Variants in PKD1 observed in about 807,000 individuals in gnomAD.
The protein encoded by PKD1 is polycystin-1.
Under a neutral mutation model 361.7 loss-of-function variants are expected in PKD1, and 81 were observed. The ratio of observed to expected loss-of-function variants is 0.22; its 90% CI spans 0.19 to 0.27. The LOEUF is 0.27. PKD1 is among the 10% of genes least tolerant of loss of function. PKD1 has a pLI of 1.00. For missense variants in PKD1, 6,399 were observed against 6,118.3 expected, an observed-to-expected ratio of 1.05 and a Z score of -1.53; for synonymous variants, 3,615 against 2,818.3, an observed-to-expected ratio of 1.28 and a Z score of -8.95.
Position 2,108,508 on chromosome 16 carries a change from C to T in PKD1, c.6659G>A (p.Arg2220Gln), listed in dbSNP as rs745626129. Residue 2220 changes from arginine (R) to glutamine (Q), a missense_variant, in exon 15 of 46, where the codon CGG becomes CAG. Transcript: ENST00000262304. ...DVSRPRLVLP[R>Q]LALPVGHYCF... is the part of the protein sequence containing the mutation. ...GTAGTGCCCCACAGGCAGCGCCAGC[C>T]GCGGCAGCACCAGCCGAGGCCGGCT... 6.2e-6 allele frequency: 10 copies of T among 1,608,674 alleles called. No individual in the cohort carries two copies. Among genetic ancestry groups the T allele is most frequent in the East Asian group, 4.5e-5 (2 of 44,876 alleles).
rs3087632 is a variant in PKD1, at chr16:2,090,453, T to G, written c.12276A>C (p.Ala4092=). ...LSPLLCVGLW[A]LRLWGALRLG... ...GCCGTAGGGCGCCCCACAGCCGCAG[T>G]GCCCAGAGCCCCACACACAGCAGGG... The change falls in exon 45 of 46, where the codon GCA becomes GCC. Residue 4092 remains alanine (A), a synonymous_variant. Transcript: ENST00000262304. The G allele has an allele frequency of 5.6e-6, 9 of 1,612,030 alleles. No homozygotes were observed. In the Admixed American group the frequency reaches 1.5e-4, roughly 27 times the overall value.
rs1282623368 is a variant in PKD1 at position 2,100,876 on chromosome 16, T to C, written c.9398-310A>G. On this transcript the variant is annotated intron_variant, in intron 26 of 45. Coordinates refer to ENST00000262304, the MANE Select transcript of PKD1 (RefSeq NM_001009944.3). The surrounding 1 kb of genome is among the most constrained non-coding windows in gnomAD (Gnocchi z 4.4). Reference sequence around the variant, plus strand: ...TGCACACCTGTCCACGCCTCAGTCATGCCACAACCGGTGACCCGCACCACA... The same window carrying C: ...TGCACACCTGTCCACGCCTCAGTCACGCCACAACCGGTGACCCGCACCACA... 1.7e-5 allele frequency: 8 copies of C among 472,362 alleles called. No homozygotes were observed. The highest frequency in any genetic ancestry group is 4.2e-5 in the South Asian group (2 of 47,764). 29.3% of individuals were successfully genotyped at this position (472,362 alleles called of 1,614,324 possible).
chr16:2,112,148 G>A (rs1361950058), intron 14 of PKD1, among the ~76,000 whole-genome samples, 192 bp downstream of exon 14: 1 of 152,160 alleles, frequency 6.6e-6, no homozygotes, highest in Non-Finnish European at 1.5e-5. Context: ...GCAGTTCAGG[G>A]GCCCAGCTTC....
rs557066261 is a variant in PKD1, at chr16:2,110,342, T to C, written c.4825A>G (p.Ile1609Val). ...ACCTCGTTCTCAGCCGTGACGATGA[T>C]ATTGAAGGTGCCCACGGAGCGGAAG... ...YTFRSVGTFNIIVTAENEVGS... is the reference protein window; with the variant it reads ...YTFRSVGTFNVIVTAENEVGS... The change falls in exon 15 of 46, where the codon ATC (isoleucine) becomes GTC (valine). Residue 1609 changes from isoleucine (I) to valine (V), a missense_variant. Coordinates refer to ENST00000262304, the MANE Select transcript of PKD1 (RefSeq NM_001009944.3). The C allele has an allele frequency of 1.7e-5, 27 of 1,612,636 alleles. No individual in the cohort carries two copies. Among genetic ancestry groups the C allele is most frequent in the Non-Finnish European group, 2.2e-5 (26 of 1,179,856 alleles).
chr16:2,112,194 C>T (rs1451565795), intron 14 of PKD1, 146 bp downstream of exon 14: 4 of 776,860 alleles, frequency 5.1e-6, no homozygotes, highest in Admixed American at 4.0e-5. Flanking sequence ...CCCTCCCTCA[C>T]CCCAGTAGGG....
rs370861760 is a variant in PKD1, at chr16:2,110,146, G to C, written c.5021C>G (p.Pro1674Arg). Residue 1674 changes from proline to arginine, a missense_variant, in exon 15 of 46, where the codon CCG (proline) becomes CGG (arginine). Transcript: ENST00000262304. ...GCCTTTGCCGCTGCCGGCCAGGGCC[G>C]GGCCCCTGTCCCTCCAGGCAGTCCA... is the stretch of plus-strand genomic sequence containing the variant. ...YSWTAWRDRGPALAGSGKGFS... is the reference protein window; with the variant it reads ...YSWTAWRDRGRALAGSGKGFS... The C allele has an allele frequency of 6.2e-7, 1 of 1,609,852 alleles. No homozygotes were observed. The highest frequency in any genetic ancestry group is 1.3e-5 in the African/African-American group (1 of 74,986).
Position 2,088,853 on chromosome 16 carries a change from CATACAGCACACTCGCGCGT to C in PKD1, c.*855_*873del. The C allele has an allele frequency of 1.7e-6, 1 of 575,248 alleles. No individual in the cohort carries two copies. The highest frequency in any genetic ancestry group is 3.1e-6 in the Non-Finnish European group (1 of 323,924). The allele number at this position is 575,248 out of a possible 1,614,324, so 35.6% of individuals were successfully genotyped here. A position where few individuals can be genotyped will look rare whatever the true frequency, so the allele number is the denominator to read the frequency against. On this transcript the variant is annotated 3_prime_UTR_variant, in exon 46 of 46. Coordinates refer to ENST00000262304, the MANE Select transcript of PKD1 (RefSeq NM_001009944.3). ...CCGAGGGCCTTGAGGCTGCCTGGGC[CATACAGCACACTCGCGCGT>C]GCGCGCGCGCACACACACACACACA...
chr16:2,112,980 CAGTG>C lies in PKD1; in HGVS notation c.2986-21_2986-18del, dbSNP rs2092558273. On this transcript the variant is annotated intron_variant, in intron 12 of 45. Transcript: ENST00000262304. The stretch of plus-strand genomic sequence containing the variant: ...GGCCGTCAGCTGCAGGGACAGGCGT[CAGTG>C]AGCCCAGGTGGCAGGTGAGAGGCCT... 6.3e-7 allele frequency: 1 copy of C among 1,595,492 alleles called. No individual in the cohort carries two copies. The highest frequency in any genetic ancestry group is 2.2e-5 in the East Asian group (1 of 44,874).
rs757733462 is a variant in PKD1, at chr16:2,106,880, C to G, written c.7134G>C (p.Val2378=). ...LECVSCKAQA[V]YEVSRSSYVY... is the part of the protein sequence containing the mutation. ...CGTAGGAGCTGCGGCTCACTTCGTA[C>G]ACGGCCTGTGCCTTGCAGGACACAC... Residue 2378 remains valine (V), a synonymous_variant, in exon 17 of 46, where the codon GTG becomes GTC. Transcript: ENST00000262304. The surrounding 1 kb of genome is among the most constrained non-coding windows in gnomAD (Gnocchi z 6.5). 8 of 1,555,750 alleles carry G rather than the reference C, an allele frequency of 5.1e-6. No homozygotes were observed. Among genetic ancestry groups the G allele is most frequent in the Non-Finnish European group, 7.0e-6 (8 of 1,146,868 alleles).
intron 1 of PKD1, among the ~76,000 whole-genome samples, chr16:2,121,275 G>C (rs150997513): frequency 6.6e-6 from 1 of 151,852 alleles, no homozygotes; most frequent in Non-Finnish European, 1.5e-5. Flanking sequence ...TTAGGCAGGA[G>C]AATCACTTGA....
chr16:2,114,582 C>G lies in PKD1; in HGVS notation c.2441G>C (p.Ser814Thr), dbSNP rs527719482. Reference sequence around the variant, plus strand: ...AGCCACTGGGGAGACCACGTCAAAGCTGCAGGAGAGGTTGTGCCTGGACAC... The same window carrying G: ...AGCCACTGGGGAGACCACGTCAAAGGTGCAGGAGAGGTTGTGCCTGGACAC... ...NGVSRHNLSC[S>T]FDVVSPVAGL... The change falls in exon 11 of 46, where the codon AGC becomes ACC. Residue 814 changes from serine to threonine, a missense_variant. By Grantham distance (58) the Ser-to-Thr change is moderately conservative. Transcript: ENST00000262304. 5.0e-6 allele frequency: 8 copies of G among 1,593,974 alleles called. No individual in the cohort carries two copies. The African/African-American group carries it at 6.7e-5, about 13-fold the overall frequency.
chr16:2,092,935 G>A lies in PKD1; in HGVS notation c.11156+19C>T. On this transcript the variant is annotated intron_variant, in intron 38 of 45. Coordinates refer to ENST00000262304, the MANE Select transcript of PKD1 (RefSeq NM_001009944.3). ...AAACTAAAGCCCAGAAGACAGACCA[G>A]TGCACCGGATGCCCGTACCGCGTGA... The A allele has an allele frequency of 6.2e-7, 1 of 1,612,930 alleles. No homozygotes were observed. Among genetic ancestry groups the A allele is most frequent in the South Asian group, 1.1e-5 (1 of 91,090 alleles).
In PKD1 at chr16:2,093,689, G is replaced by A. The variant is rs764059379; in HGVS notation, c.10871C>T (p.Pro3624Leu). 8.7e-6 allele frequency: 14 copies of A among 1,602,454 alleles called. No individual in the cohort carries two copies. Among genetic ancestry groups the A allele is most frequent in the Middle Eastern group, 1.7e-4 (1 of 6,048 alleles). ...YFSLVAKRLH[P>L]DEDDTLVESP... ...CTCTACCAGGGTGTCATCTTCATCC[G>A]GGTGCAGCCGCTTGGCCACCAGTGA... Residue 3624 changes from proline to leucine, a missense_variant, in exon 37 of 46, where the codon CCG (proline) becomes CTG (leucine). Physicochemically the swap from Pro to Leu is moderately conservative, Grantham distance 98 (BLOSUM62 -3). Coordinates refer to ENST00000262304, the MANE Select transcript of PKD1 (RefSeq NM_001009944.3).
At chr16:2,095,500 C>G (rs2091809272) in intron 34 of PKD1, 1 of 152,278 alleles carries the variant, frequency 6.6e-6, no homozygotes, top group Non-Finnish European at 1.5e-5. Context: ...GGAGCAGGCT[C>G]TCGCTGGCAG....
At chr16:2,093,253 C>T in intron 37 of PKD1, 160 bp from the exon 38 acceptor site, 1 of 849,212 alleles carries the variant, frequency 1.2e-6, no homozygotes, top group South Asian at 1.5e-5. Flanking sequence ...AATGGCAGCA[C>T]ACACCCTGCC....
At position 2,109,367 on chromosome 16, in the gene PKD1, G is replaced by A. The variant is rs764648519; in HGVS notation, c.5800C>T (p.Pro1934Ser). The A allele has an allele frequency of 1.3e-6, 2 of 1,593,362 alleles. No individual in the cohort carries two copies. The highest frequency in any genetic ancestry group is 1.3e-5 in the African/African-American group (1 of 74,760). ...GGANPEVLPG[P>S]RFSHSFPRVG... is the part of the protein sequence containing the mutation. The stretch of plus-strand genomic sequence containing the variant: ...CGGGGGAAGCTGTGGGAGAAACGGG[G>A]CCCGGGGAGCACCTCGGGGTTGGCC... Residue 1934 changes from proline (P) to serine (S), a missense_variant, in exon 15 of 46, where the codon CCC (proline) becomes TCC (serine). Physicochemically the swap from Pro to Ser is moderately conservative, Grantham distance 74. Coordinates refer to ENST00000262304, the MANE Select transcript of PKD1 (RefSeq NM_001009944.3).
chr16:2,091,626 C>T (rs1035553327), intron 41 of PKD1, 29 bp from the exon 42 acceptor site: 1 of 1,561,248 alleles, frequency 6.4e-7, no homozygotes, highest in Non-Finnish European at 8.6e-7. Flanking sequence ...TCAGTAGGAG[C>T]GGGTGGCAGG....
At chr16:2,092,361 G>C in intron 39 of PKD1, 119 bp downstream of exon 39, 4 of 957,958 alleles carry the variant, frequency 4.2e-6, no homozygotes, top group Non-Finnish European at 6.4e-6. Context: ...GGAAACGGCG[G>C]TGTTAAGAGG....
chr16:2,115,930 C>G (rs2092626101), intron 9 of PKD1, 62 bp downstream of exon 9: 5 of 1,530,352 alleles, frequency 3.3e-6, no homozygotes, highest in Non-Finnish European at 4.4e-6. Context: ...CGTGAAAGCT[C>G]AGAGAGGCCA....
Sources: gnomAD v4.1 joint callset for allele counts (sites outside exome capture counted in the v4.1 genomes callset) on GRCh38, gnomAD v4.1.1 for gene constraint, Gnocchi (gnomAD v3.1) non-coding constraint, MANE v1.5 for transcripts, NCBI Gene and HGNC (gene_info 2026-07-23, HGNC 2026-07-21) for gene names.